The following AGGF1 variants were observed in gnomAD, a reference collection of about 807,000 sequenced individuals.
AGGF1 encodes angiogenic factor with G patch and FHA domains 1.
Under a neutral mutation model 86.5 loss-of-function variants are expected in AGGF1, and 56 were observed. That is an observed-to-expected ratio of 0.65 (90% CI 0.52 to 0.81). The LOEUF (loss-of-function observed/expected upper bound fraction) is 0.81. Among genes scored for constraint, AGGF1 ranks in the 30% least tolerant of loss-of-function variants. The pLI, the probability that AGGF1 is intolerant of heterozygous loss-of-function variation, is 0.00. For missense variants in AGGF1, 816 were observed against 850.9 expected (o/e 0.96, Z 0.51); for synonymous variants, 313 against 297.1 (o/e 1.05, Z -0.55).
In AGGF1 at chr5:77,064,770, C is replaced by T. The variant is rs1200731734; in HGVS notation, c.*1518C>T. ...TAAATGTGGTTCTGGTGCTGGTGCC[C>T]TGTATATATGTAACAATATAGGACC... is the stretch of plus-strand genomic sequence containing the variant. On this transcript the variant is annotated 3_prime_UTR_variant, in exon 14 of 14. Transcript: ENST00000312916. 1 of 152,122 alleles carries T rather than the reference C, an allele frequency of 6.6e-6. No individual in the cohort carries two copies. The highest frequency in any genetic ancestry group is 2.4e-5 in the African/African-American group (1 of 41,424). 9.4% of individuals were successfully genotyped at this position (152,122 alleles called of 1,614,324 possible).
chr5:77,030,788 C>T lies in AGGF1; in HGVS notation c.22C>T (p.Pro8Ser). The change falls in exon 1 of 14, where the codon CCG becomes TCG. Residue 8 changes from proline to serine, a missense_variant. Physicochemically the swap from Pro to Ser is moderately conservative, Grantham distance 74. Coordinates refer to ENST00000312916, the MANE Select transcript of AGGF1 (RefSeq NM_018046.5). ...GCTCATGGCCTCGGAGGCGCCGTCCCCGCCGCGGTCGCCGCCGCCGCCCAC... is the reference window on the plus strand; with the variant it reads ...GCTCATGGCCTCGGAGGCGCCGTCCTCGCCGCGGTCGCCGCCGCCGCCCAC... MASEAPS[P>S]PRSPPPPTSP... The T allele has an allele frequency of 1.3e-6, 2 of 1,588,534 alleles. No individual in the cohort carries two copies. The highest frequency in any genetic ancestry group is 1.3e-5 in the African/African-American group (1 of 74,664).
In AGGF1 at chr5:77,030,567, C is replaced by A; in HGVS notation, c.-200C>A. On this transcript the variant is annotated 5_prime_UTR_variant, in exon 1 of 14. Transcript: ENST00000312916. The stretch of plus-strand genomic sequence containing the variant: ...GCGCACATCGGGCAGGGGCCATCCT[C>A]GGTCCCCTTGCTCGTTGCTCGCAGC... 1 of 719,034 alleles carries A rather than the reference C, an allele frequency of 1.4e-6. No individual in the cohort carries two copies. Among genetic ancestry groups the A allele is most frequent in the Non-Finnish European group, 2.5e-6 (1 of 402,704 alleles). 44.5% of individuals were successfully genotyped at this position (719,034 alleles called of 1,614,324 possible). A position where few individuals can be genotyped will look rare whatever the true frequency, so the allele number is the denominator to read the frequency against.
chr5:77,043,670 C>CG (rs1299176523), intron 5 of AGGF1, among the ~76,000 whole-genome samples: 2 of 129,974 alleles, frequency 1.5e-5, no homozygotes, highest in African/African-American at 2.9e-5. Context: ...GCTGGCCGGG[C>CG]GGGGGGCTGA....
chr5:77,052,710 A>T lies in AGGF1; in HGVS notation c.1370A>T (p.His457Leu). 6.2e-7 allele frequency: 1 copy of T among 1,611,140 alleles called. No homozygotes were observed. Among genetic ancestry groups the T allele is most frequent in the Non-Finnish European group, 8.5e-7 (1 of 1,177,726 alleles). ...TGCTTGATTTCACTTTCTAAGTTTC[A>T]TGCAGAAATTTATTTTGACCATGAC... is the stretch of plus-strand genomic sequence containing the variant. ...RIPEVGVSKF[H>L]AEIYFDHDLQ... The change falls in exon 9 of 14, where the codon CAT (histidine) becomes CTT (leucine). Residue 457 changes from histidine (H) to leucine (L), a missense_variant. Physicochemically the swap from His to Leu is moderately conservative, Grantham distance 99. Transcript: ENST00000312916.
chr5:77,048,182 C>T lies in AGGF1; in HGVS notation c.1223C>T (p.Pro408Leu). ...EDEDEDKIWP[P>L]CIRVIVIRSP... ...GCAGATGAAGACAAAATTTGGCCCC[C>T]ATGTATTAGAGTAATTGTCATTAGA... Residue 408 changes from proline to leucine, a missense_variant, in exon 7 of 14, where the codon CCA becomes CTA. This residue lies in a region of AGGF1 where 565 missense variants were observed against 585.8 expected (regional missense o/e 0.96). Transcript: ENST00000312916. 6.2e-7 allele frequency: 1 copy of T among 1,613,024 alleles called. No homozygotes were observed. The highest frequency in any genetic ancestry group is 8.5e-7 in the Non-Finnish European group (1 of 1,179,316).
At chr5:77,051,544 A>T (rs1050404272) in intron 8 of AGGF1, among the ~76,000 whole-genome samples, 1 of 152,206 alleles carries the variant, frequency 6.6e-6, no homozygotes, top group African/African-American at 2.4e-5. Context: ...TTTTGGCAAC[A>T]TCAAGTTTTG....
In AGGF1 at chr5:77,036,114, A is replaced by G. The variant is rs535398588; in HGVS notation, c.516+371A>G. ...CCACTATTCAAATTTCCCTGAATCT[A>G]TAAATTTGTTTTTATAGTTTGTTTG... On this transcript the variant is annotated intron_variant, in intron 3 of 13. Coordinates refer to ENST00000312916, the MANE Select transcript of AGGF1 (RefSeq NM_018046.5). 1.2e-5 allele frequency: 3 copies of G among 258,996 alleles called. No individual in the cohort carries two copies. The East Asian group carries it at 3.1e-4, about 27-fold the overall frequency. 16.0% of individuals were successfully genotyped at this position (258,996 alleles called of 1,614,324 possible). A position where few individuals can be genotyped will look rare whatever the true frequency, so the allele number is the denominator to read the frequency against.
At chr5:77,051,781 C>T (rs893744834) in intron 8 of AGGF1, among the ~76,000 whole-genome samples, 4 of 152,022 alleles carry the variant, frequency 2.6e-5, no homozygotes, top group African/African-American at 9.7e-5. Flanking sequence ...AATAGTAAAA[C>T]CTTGGAAAAA....
intron 7 of AGGF1, 134 bp from the exon 8 acceptor site, chr5:77,048,802 G>A: frequency 2.4e-6 from 2 of 850,530 alleles, no homozygotes; most frequent in Non-Finnish European, 3.9e-6. Flanking sequence ...TAAGGAAACT[G>A]GATAATCCAT....
At chr5:77,045,776 G>A (rs1347930909) in intron 5 of AGGF1, among the ~76,000 whole-genome samples, 1 of 152,214 alleles carries the variant, frequency 6.6e-6, no homozygotes, top group Non-Finnish European at 1.5e-5. Context: ...GCACTATCCA[G>A]TAAGGTAGCC....
At chr5:77,044,439 G>A (rs896355230) in intron 5 of AGGF1, among the ~76,000 whole-genome samples, 7 of 152,124 alleles carry the variant, frequency 4.6e-5, no homozygotes, top group Non-Finnish European at 8.8e-5. Flanking sequence ...CTTTTTGTAG[G>A]TGAAGGTTAT....
At chr5:77,033,693 TA>T (rs1456217031) in intron 1 of AGGF1, among the ~76,000 whole-genome samples, 1 of 152,226 alleles carries the variant, frequency 6.6e-6, no homozygotes, top group Admixed American at 6.5e-5. Flanking sequence ...AATAAATATT[TA>T]AAAGCTTGTT....
In AGGF1 at chr5:77,039,876, T is replaced by C. The variant is rs181210451; in HGVS notation, c.870+157T>C. Among the ~76,000 whole-genome samples the C allele has an allele frequency of 4.6e-5, 7 of 152,276 alleles. No individual in the cohort carries two copies. The East Asian group carries it at 1.3e-3, about 29-fold the overall frequency. ...GTTTAGATGGAGCAAACATGGACTTTTTCATAAACTCTGTCACTAGAAATA... is the reference window on the plus strand; with the variant it reads ...GTTTAGATGGAGCAAACATGGACTTCTTCATAAACTCTGTCACTAGAAATA... On this transcript the variant is annotated intron_variant, in intron 5 of 13. Coordinates refer to ENST00000312916, the MANE Select transcript of AGGF1 (RefSeq NM_018046.5).
chr5:77,032,970 TA>T (rs530314953), intron 1 of AGGF1, among the ~76,000 whole-genome samples: 1 of 152,106 alleles, frequency 6.6e-6, no homozygotes, highest in East Asian at 1.9e-4. Context: ...TAATACACTT[TA>T]AAAAAATAGT....
chr5:77,051,176 G>A (rs1045726019), intron 8 of AGGF1, among the ~76,000 whole-genome samples: 4 of 152,140 alleles, frequency 2.6e-5, no homozygotes, highest in African/African-American at 7.2e-5. Flanking sequence ...GCTTATGCTT[G>A]TAATCCCAGC....
chr5:77,043,718 G>A (rs1747188251), intron 5 of AGGF1, among the ~76,000 whole-genome samples: 2 of 139,926 alleles, frequency 1.4e-5, no homozygotes, highest in Admixed American at 7.0e-5. Flanking sequence ...TGGCTGCCGG[G>A]CGGAGACGCT....
intron 13 of AGGF1, among the ~76,000 whole-genome samples, chr5:77,062,621 A>G (rs1747581869): frequency 1.3e-5 from 2 of 152,174 alleles, no homozygotes. Flanking sequence ...AAATATTGAG[A>G]AGTGCTCCCC....
chr5:77,042,664 C>T (rs1371432880), intron 5 of AGGF1, among the ~76,000 whole-genome samples: 3 of 33,160 alleles, frequency 9.0e-5, no homozygotes, highest in Admixed American at 2.9e-4. Flanking sequence ...CCGGACGGGG[C>T]GGCTGGCTGG....
intron 5 of AGGF1, among the ~76,000 whole-genome samples, chr5:77,042,412 C>G (rs1405666832): frequency 6.7e-5 from 9 of 134,232 alleles, no homozygotes; most frequent in African/African-American, 2.4e-4. Flanking sequence ...CCTCACCTCC[C>G]GGACAGGGCG....
Sources: gnomAD v4.1 joint callset for allele counts (sites outside exome capture counted in the v4.1 genomes callset) on GRCh38, gnomAD v4.1.1 for gene constraint, gnomAD v4.1.1 regional missense constraint, MANE v1.5 for transcripts, NCBI Gene and HGNC (gene_info 2026-07-23, HGNC 2026-07-21) for gene names.